ZCCHC7: variants seen among roughly 807,000 people sequenced by gnomAD.
ZCCHC7 encodes the protein zinc finger CCHC-type containing 7, also known as zinc finger CCHC domain-containing protein 7.
Under a neutral mutation model 52.0 loss-of-function variants are expected in ZCCHC7, and 35 were observed. That is an observed-to-expected ratio of 0.67 (90% confidence interval 0.51 to 0.89). ZCCHC7 has a LOEUF of 0.89. ZCCHC7 is among the 40% of genes least tolerant of loss of function. ZCCHC7 has a pLI of 0.00. For missense variants in ZCCHC7, 574 were observed against 649.1 expected, an observed-to-expected ratio of 0.88 and a Z score of 1.26; for synonymous variants, 217 against 221.5, an observed-to-expected ratio of 0.98 and a Z score of 0.18.
chr9:37,180,385 G>T (rs181941530), intron 2 of ZCCHC7, among the ~76,000 whole-genome samples: 1 of 151,950 alleles, frequency 6.6e-6, no homozygotes, highest in African/African-American at 2.4e-5. Flanking sequence ...GTAAAACTGG[G>T]TTAAAAAAAT....
intron 2 of ZCCHC7, among the ~76,000 whole-genome samples, chr9:37,166,711 T>G (rs1438778064): frequency 1.3e-5 from 2 of 152,160 alleles, no homozygotes; most frequent in African/African-American, 4.8e-5. Context: ...AAGTACTTCT[T>G]TAGGGCATCC....
intron 2 of ZCCHC7, among the ~76,000 whole-genome samples, chr9:37,142,953 TATTA>T (rs1843291444): frequency 6.6e-6 from 1 of 151,838 alleles, no homozygotes; most frequent in South Asian, 2.1e-4. Flanking sequence ...TGGAAAATGT[TATTA>T]ATTCTTAAAG....
intron 2 of ZCCHC7, among the ~76,000 whole-genome samples, chr9:37,161,341 A>G (rs55941445): frequency 0.056 from 8,550 of 152,118 alleles, 811 homozygotes; most frequent in African/African-American, 0.19. Flanking sequence ...TTGGGAGGTC[A>G]AGGCGGGCAG....
chr9:37,128,982 T>C (rs1347011427), intron 2 of ZCCHC7, among the ~76,000 whole-genome samples: 1 of 152,228 alleles, frequency 6.6e-6, no homozygotes, highest in Non-Finnish European at 1.5e-5. Flanking sequence ...GTATTTATGG[T>C]CATCAAATTG....
At chr9:37,255,704 G>T (rs531146039) in intron 2 of ZCCHC7, among the ~76,000 whole-genome samples, 6 of 152,112 alleles carry the variant, frequency 3.9e-5, no homozygotes, top group Non-Finnish European at 5.9e-5. Flanking sequence ...CAATGGATGA[G>T]CATCATAGTG....
At chr9:37,244,740 G>A (rs545410344) in intron 2 of ZCCHC7, among the ~76,000 whole-genome samples, 1 of 151,874 alleles carries the variant, frequency 6.6e-6, no homozygotes, top group Non-Finnish European at 1.5e-5. Flanking sequence ...GTTCTACCAT[G>A]ATTGATCAGT....
intron 2 of ZCCHC7, among the ~76,000 whole-genome samples, chr9:37,246,659 G>A (rs1012885362): frequency 1.3e-5 from 2 of 151,982 alleles, no homozygotes; most frequent in Admixed American, 6.6e-5. Context: ...AAAGTTGTAC[G>A]TATTTAACAT....
chr9:37,300,238 G>A (rs1265366367), intron 2 of ZCCHC7, among the ~76,000 whole-genome samples: 2 of 152,032 alleles, frequency 1.3e-5, no homozygotes, highest in African/African-American at 4.8e-5. Context: ...GCATTTCATT[G>A]GTTTTATATT....
intron 6 of ZCCHC7, among the ~76,000 whole-genome samples, chr9:37,337,530 T>G (rs1830736667): frequency 6.6e-6 from 1 of 152,048 alleles, no homozygotes; most frequent in African/African-American, 2.4e-5. Context: ...AGTGCTTGTT[T>G]CAGTTTTCAG....
chr9:37,198,442 G>T lies in ZCCHC7; in HGVS notation c.610+71500G>T, dbSNP rs1447668731. ...GGTCTCTGTCTTCATTTGTCCAGCCGATCACATCTTCTCTTTGTCACAGAA... is the reference window on the plus strand; with the variant it reads ...GGTCTCTGTCTTCATTTGTCCAGCCTATCACATCTTCTCTTTGTCACAGAA... On this transcript the variant is annotated intron_variant, in intron 2 of 8. Transcript: ENST00000336755. Among the ~76,000 whole-genome samples the T allele has an allele frequency of 2.0e-5, 3 of 152,094 alleles. No homozygotes were observed. In the East Asian group the frequency reaches 5.8e-4, roughly 29 times the overall value.
At chr9:37,196,661 GATT>G (rs1000375895) in intron 2 of ZCCHC7, among the ~76,000 whole-genome samples, 2 of 152,062 alleles carry the variant, frequency 1.3e-5, no homozygotes, top group Non-Finnish European at 2.9e-5. Context: ...AGATTTAGCA[GATT>G]ATTATTTAAA....
At chr9:37,298,678 TACA>T in intron 2 of ZCCHC7, among the ~76,000 whole-genome samples, 1 of 152,342 alleles carries the variant, frequency 6.6e-6, no homozygotes, top group South Asian at 2.1e-4. Flanking sequence ...GGAAATGTTC[TACA>T]TTTGATTTTT....
intron 2 of ZCCHC7, among the ~76,000 whole-genome samples, chr9:37,281,004 A>G (rs1171642318): frequency 1.3e-5 from 2 of 152,212 alleles, no homozygotes; most frequent in East Asian, 3.8e-4. Flanking sequence ...AGGCAGGTAA[A>G]TAGAGTCATA....
chr9:37,194,074 A>G (rs1823158562), intron 2 of ZCCHC7, among the ~76,000 whole-genome samples: 1 of 152,126 alleles, frequency 6.6e-6, no homozygotes, highest in Non-Finnish European at 1.5e-5. Context: ...CCACACAATT[A>G]AGCACTCTGA....
chr9:37,309,649 G>A (rs189556918), intron 5 of ZCCHC7, among the ~76,000 whole-genome samples: 104 of 152,198 alleles, frequency 6.8e-4, no homozygotes, highest in African/African-American at 1.8e-3. Context: ...AAGGCTGGGC[G>A]TGGTGGCTCA....
At position 37,324,227 on chromosome 9, in the gene ZCCHC7, G is replaced by A. The variant is rs571827781; in HGVS notation, c.952-3572G>A. Among the ~76,000 whole-genome samples the A allele has an allele frequency of 3.3e-5, 5 of 152,274 alleles. No individual in the cohort carries two copies. The East Asian group carries it at 7.7e-4, about 24-fold the overall frequency. ...GGATTCTGTTAAAAAGTTGTGTTTC[G>A]TAATTGTAGTTGTCGTGTCAGAGCC... On this transcript the variant is annotated intron_variant, in intron 5 of 8. Transcript: ENST00000336755.
At chr9:37,149,440 C>G (rs1003888030) in intron 2 of ZCCHC7, among the ~76,000 whole-genome samples, 1 of 151,966 alleles carries the variant, frequency 6.6e-6, no homozygotes, top group African/African-American at 2.4e-5. Flanking sequence ...AAAAATACCC[C>G]CCTGTCCCCA....
chr9:37,120,484 T>TGG, upstream of ZCCHC7: 1 of 398,630 alleles, frequency 2.5e-6, no homozygotes, highest in Non-Finnish European at 4.4e-6. Context: ...AGGCGGTGAC[T>TGG]AGAGCTGTGT....
At chr9:37,312,229 G>A (rs563203674) in intron 5 of ZCCHC7, among the ~76,000 whole-genome samples, 10 of 152,242 alleles carry the variant, frequency 6.6e-5, no homozygotes, top group Non-Finnish European at 1.2e-4. Flanking sequence ...GTGTAATGGC[G>A]GTTCTACCTT....
Sources: gnomAD v4.1 joint callset for allele counts (sites outside exome capture counted in the v4.1 genomes callset) on GRCh38, gnomAD v4.1.1 for gene constraint, MANE v1.5 for transcripts, NCBI Gene and HGNC (gene_info 2026-07-23, HGNC 2026-07-21) for gene names.